TSHZ3: variants seen among roughly 807,000 people sequenced by gnomAD.
TSHZ3 encodes the protein teashirt homolog 3.
In TSHZ3, 10 loss-of-function variants were observed where a neutral mutation model predicts 64.5. The observed-to-expected ratio is 0.16, with a 90% CI of 0.10 to 0.26. TSHZ3 has a LOEUF of 0.26. Among genes scored for constraint, TSHZ3 ranks in the 10% least tolerant of loss-of-function variants. TSHZ3 has a pLI of 1.00. For missense variants in TSHZ3, 1,242 were observed against 1,421.7 expected (o/e 0.87, Z 2.03); for synonymous variants, 608 against 593.1 (o/e 1.03, Z -0.36).
At chr19:31,177,568 C>T (rs1276342437) in intron 5 of TSHZ3, among the ~76,000 whole-genome samples, 1 of 152,248 alleles carries the variant, frequency 6.6e-6, no homozygotes, top group African/African-American at 2.4e-5. Context: ...CTTACAAGGA[C>T]ACATGTGCTT....
chr19:31,350,032 C>T (rs1196824357), upstream of TSHZ3, among the ~76,000 whole-genome samples: 1 of 138,196 alleles, frequency 7.2e-6, no homozygotes. Context: ...CGTCCCGGGG[C>T]GCTCGTTACC....
intron 4 of TSHZ3, among the ~76,000 whole-genome samples, chr19:31,214,397 AC>A (rs1274206990): frequency 3.3e-5 from 5 of 152,156 alleles, no homozygotes; most frequent in African/African-American, 1.2e-4. Context: ...GCAGGAAGTG[AC>A]TCTGCCCCAT....
chr19:31,340,338 CAAAAAAAAAAA>C (rs1160334453), intron 1 of TSHZ3, among the ~76,000 whole-genome samples: 105 of 32,756 alleles, frequency 3.2e-3, no homozygotes, highest in African/African-American at 0.01. Context: ...GCCTACAGTA[CAAAAAAAAAAA>C]AAAAAAAAAA....
At chr19:31,163,473 T>C (rs1426932342) in intron 5 of TSHZ3, among the ~76,000 whole-genome samples, 2 of 152,184 alleles carry the variant, frequency 1.3e-5, no homozygotes, top group Non-Finnish European at 2.9e-5. Flanking sequence ...GGCTCAGGCC[T>C]GTAATCCCAG....
downstream of TSHZ3, among the ~76,000 whole-genome samples, chr19:31,273,126 A>G (rs1411273608): frequency 1.3e-5 from 2 of 152,188 alleles, no homozygotes; most frequent in Non-Finnish European, 2.9e-5. Flanking sequence ...TGGTAACCTC[A>G]GGACAAAATG....
At chr19:31,293,511 G>A (rs1272254291) in intron 1 of TSHZ3, among the ~76,000 whole-genome samples, 1 of 151,978 alleles carries the variant, frequency 6.6e-6, no homozygotes, top group East Asian at 1.9e-4. Flanking sequence ...ATCATGCTTG[G>A]TCTTTTCACA....
chr19:31,284,805 A>G (rs1486452582), intron 1 of TSHZ3, among the ~76,000 whole-genome samples: 1 of 152,168 alleles, frequency 6.6e-6, no homozygotes, highest in East Asian at 1.9e-4. Context: ...CCCACACCCC[A>G]GTTATCAGCC....
chr19:31,209,899 G>A (rs1975240994), intron 4 of TSHZ3, among the ~76,000 whole-genome samples: 1 of 152,054 alleles, frequency 6.6e-6, no homozygotes, highest in Non-Finnish European at 1.5e-5. Context: ...CAAGGTGTGT[G>A]GAGTGGTTGG....
intron 1 of TSHZ3, among the ~76,000 whole-genome samples, chr19:31,258,957 C>T (rs761793074): frequency 3.9e-5 from 6 of 152,220 alleles, no homozygotes; most frequent in African/African-American, 1.4e-4. Context: ...CATGCCCCGG[C>T]CCGCCTTCTC....
At chr19:31,344,291 T>A (rs1917521561) in intron 1 of TSHZ3, among the ~76,000 whole-genome samples, 1 of 152,166 alleles carries the variant, frequency 6.6e-6, no homozygotes, top group African/African-American at 2.4e-5. Flanking sequence ...AGGGTGATGC[T>A]ACAGGGGTGT....
intron 5 of TSHZ3, among the ~76,000 whole-genome samples, chr19:31,190,216 G>A (rs377401601): frequency 1.3e-5 from 2 of 152,138 alleles, no homozygotes; most frequent in Non-Finnish European, 2.9e-5. Context: ...AGTAACCCAA[G>A]CAATCTACGT....
intron 1 of TSHZ3, among the ~76,000 whole-genome samples, chr19:31,324,265 C>G (rs909834019): frequency 1.3e-5 from 2 of 152,136 alleles, no homozygotes; most frequent in African/African-American, 4.8e-5. Flanking sequence ...TAAATCCAGT[C>G]TGAATTTTCA....
At chr19:31,338,724 T>C (rs1469981841) in intron 1 of TSHZ3, among the ~76,000 whole-genome samples, 2 of 152,086 alleles carry the variant, frequency 1.3e-5, no homozygotes, top group Admixed American at 6.5e-5. Flanking sequence ...AGAGAGAAAG[T>C]TGCCTGTGAG....
At chr19:31,257,473 A>G (rs779965166) in intron 1 of TSHZ3, among the ~76,000 whole-genome samples, 4 of 152,226 alleles carry the variant, frequency 2.6e-5, no homozygotes, top group Non-Finnish European at 4.4e-5. Flanking sequence ...TGCCCAGCCA[A>G]TCGAAGGACA....
intron 1 of TSHZ3, among the ~76,000 whole-genome samples, chr19:31,282,106 C>T (rs1210377600): frequency 6.6e-6 from 1 of 152,142 alleles, no homozygotes; most frequent in East Asian, 1.9e-4. Flanking sequence ...AGACACAGCC[C>T]ACTGTCTGCA....
chr19:31,330,235 G>A (rs570030053), intron 1 of TSHZ3, among the ~76,000 whole-genome samples: 2 of 152,050 alleles, frequency 1.3e-5, no homozygotes, highest in South Asian at 2.1e-4. Flanking sequence ...AATAAAACTC[G>A]CTAAACTCTC....
upstream of TSHZ3, among the ~76,000 whole-genome samples, chr19:31,350,652 C>T (rs949444148): frequency 6.6e-6 from 1 of 151,478 alleles, no homozygotes; most frequent in Non-Finnish European, 1.5e-5. Context: ...GCCGGCCCGG[C>T]CGACTGGCCG....
At chr19:31,225,315 C>T (rs2145171005) in intron 4 of TSHZ3, among the ~76,000 whole-genome samples, 1 of 152,294 alleles carries the variant, frequency 6.6e-6, no homozygotes, top group South Asian at 2.1e-4. Flanking sequence ...GGTCTGCAAA[C>T]AAGCCTAGGG....
rs963928142 is a variant in TSHZ3, at chr19:31,197,125, A to G, written n.809+7831T>C. 2.6e-5 allele frequency among the ~76,000 whole-genome samples: 4 copies of G among 151,966 alleles called. No individual in the cohort carries two copies. In the East Asian group the frequency reaches 7.7e-4, roughly 29 times the overall value. On this transcript the variant is annotated intron_variant and non_coding_transcript_variant, in intron 5 of 6. Transcript: ENST00000651361. ...ACACATTGTCTGCTCTCAGACCACA[A>G]TGCAATTAAACTACAAATCAATAGG...
Sources: allele counts gnomAD v4.1 joint callset (sites outside exome capture counted in the v4.1 genomes callset), GRCh38; gene constraint gnomAD v4.1.1; transcripts MANE v1.5; gene names NCBI Gene and HGNC (gene_info 2026-07-23, HGNC 2026-07-21).